The following HDAC9 variants were observed in gnomAD, a reference collection of about 807,000 sequenced individuals.
HDAC9 encodes histone deacetylase 9, also known as MEF-2 interacting transcription repressor (MITR) protein.
In HDAC9, 41 loss-of-function variants were observed where a neutral mutation model predicts 139.4. The observed-to-expected ratio is 0.29, with a 90% CI of 0.23 to 0.38. The LOEUF (loss-of-function observed/expected upper bound fraction) is 0.38. Ranked by LOEUF, HDAC9 falls within the 10% of genes least tolerant of loss-of-function variation. The pLI, the probability that HDAC9 is intolerant of heterozygous loss-of-function variation, is 1.00. For synonymous variants in HDAC9, 517 were observed against 476.2 expected, an observed-to-expected ratio of 1.09 and a Z score of -1.12; for missense variants, 1,147 against 1,297.0, an observed-to-expected ratio of 0.88 and a Z score of 1.78.
intron 12 of HDAC9, among the ~76,000 whole-genome samples, chr7:18,690,243 A>G (rs1020065409): frequency 1.3e-5 from 2 of 152,056 alleles, no homozygotes; most frequent in African/African-American, 4.8e-5. Flanking sequence ...GTGAAGAGAT[A>G]TTACTGGTTA....
chr7:18,100,252 A>G (rs554602035), intron 1 of HDAC9, among the ~76,000 whole-genome samples: 3 of 152,078 alleles, frequency 2.0e-5, no homozygotes, highest in Non-Finnish European at 2.9e-5. Context: ...CTGGTTTTGA[A>G]CAATTTGATT....
At chr7:18,888,357 G>A (rs1186534299) in intron 22 of HDAC9, among the ~76,000 whole-genome samples, 2 of 152,120 alleles carry the variant, frequency 1.3e-5, no homozygotes, top group African/African-American at 4.8e-5. Flanking sequence ...CCCGGGAGGC[G>A]GAGCTTGCAG....
At chr7:18,672,984 A>G (rs892079440) in intron 12 of HDAC9, among the ~76,000 whole-genome samples, 11 of 152,174 alleles carry the variant, frequency 7.2e-5, no homozygotes, top group African/African-American at 2.6e-4. Context: ...TTCCCAAAAT[A>G]TCACTGAAAT....
At chr7:18,329,809 C>G (rs922938695) in intron 1 of HDAC9, among the ~76,000 whole-genome samples, 3 of 151,896 alleles carry the variant, frequency 2.0e-5, no homozygotes, top group South Asian at 2.1e-4. Context: ...TTTATGTAGG[C>G]TTACTAACCC....
intron 2 of HDAC9, among the ~76,000 whole-genome samples, chr7:18,188,560 A>G (rs1054787092): frequency 1.2e-4 from 19 of 152,228 alleles, no homozygotes; most frequent in South Asian, 2.1e-4. Flanking sequence ...TGAACAGGCA[A>G]CTTACAGAAT....
chr7:18,875,067 A>G (rs1319534015), intron 22 of HDAC9, among the ~76,000 whole-genome samples: 1 of 152,174 alleles, frequency 6.6e-6, no homozygotes, highest in African/African-American at 2.4e-5. Flanking sequence ...GTATGTGTCT[A>G]TGGGCAACCC....
At position 18,574,904 on chromosome 7, in the gene HDAC9, G is replaced by A. The variant is rs1046044729; in HGVS notation, c.23-10377G>A. ...CTACCAGGTCCCCGACTGTGCGCAGGGATGCCTGGGTCCATAGCTGCAGCT... is the reference window on the plus strand; with the variant it reads ...CTACCAGGTCCCCGACTGTGCGCAGAGATGCCTGGGTCCATAGCTGCAGCT... On this transcript the variant is annotated intron_variant, in intron 2 of 25. Transcript: ENST00000686413. Among the ~76,000 whole-genome samples the A allele has an allele frequency of 3.9e-5, 6 of 152,354 alleles. No individual in the cohort carries two copies. In the East Asian group the frequency reaches 1.2e-3, roughly 29 times the overall value.
At chr7:18,252,194 A>C (rs1019537769) in intron 2 of HDAC9, among the ~76,000 whole-genome samples, 7 of 152,190 alleles carry the variant, frequency 4.6e-5, no homozygotes, top group African/African-American at 1.7e-4. Context: ...TGCCATCTAC[A>C]AGAGAAATGT....
chr7:18,442,654 A>G lies in HDAC9; in HGVS notation c.-41-53608A>G, dbSNP rs149344295. On this transcript the variant is annotated intron_variant, in intron 1 of 3. Coordinates refer to the HDAC9 transcript ENST00000413509. ...CTGACCTATGTCTGTATTAAATTTT[A>G]TCTTTTTGAGTGAAAGGAGTTTATA... 1.9e-3 allele frequency among the ~76,000 whole-genome samples: 292 copies of G among 152,306 alleles called. 2 individuals carry two copies. The highest frequency in any genetic ancestry group is 5.7e-3 in the African/African-American group (238 of 41,572).
At chr7:18,579,791 C>CTGTGTGTG (rs3084516) in intron 2 of HDAC9, among the ~76,000 whole-genome samples, 3,857 of 150,310 alleles carry the variant, frequency 0.026, 157 homozygotes, top group African/African-American at 0.089. Context: ...TTTTCCATGC[C>CTGTGTGTG]TGTGTGTGTG....
chr7:18,970,470 C>T (rs1477701890), intron 24 of HDAC9, among the ~76,000 whole-genome samples: 4 of 152,082 alleles, frequency 2.6e-5, no homozygotes, highest in African/African-American at 9.7e-5. Flanking sequence ...ATTTCCAAAA[C>T]ATATAATTTT....
At chr7:18,648,430 G>C in intron 10 of HDAC9, 36 bp from the exon 11 acceptor site, 2 of 1,398,124 alleles carry the variant, frequency 1.4e-6, no homozygotes, top group Non-Finnish European at 2.0e-6. Context: ...GTGTGTGTGT[G>C]TGTATACACA....
intron 21 of HDAC9, among the ~76,000 whole-genome samples, chr7:18,844,777 G>C (rs1395264732): frequency 1.3e-5 from 2 of 152,128 alleles, no homozygotes; most frequent in Non-Finnish European, 2.9e-5. Context: ...AGAGATCTGG[G>C]TTTCTTATCC....
intron 12 of HDAC9, among the ~76,000 whole-genome samples, chr7:18,720,683 T>G (rs1297209530): frequency 1.2e-4 from 18 of 151,242 alleles, no homozygotes; most frequent in African/African-American, 4.1e-4. Context: ...TTTTTTTTTT[T>G]CTTTTCTTCT....
chr7:18,662,029 G>A (rs149331599), intron 11 of HDAC9, among the ~76,000 whole-genome samples: 53 of 152,162 alleles, frequency 3.5e-4, no homozygotes, highest in Admixed American at 2.6e-3. Context: ...CATATAATAC[G>A]TTCCATGGAA....
At chr7:18,175,929 G>C (rs1788866375) in intron 2 of HDAC9, among the ~76,000 whole-genome samples, 2 of 152,032 alleles carry the variant, frequency 1.3e-5, no homozygotes, top group South Asian at 4.1e-4. Flanking sequence ...CAGTAATGTA[G>C]TTCCACTGGA....
intron 1 of HDAC9, among the ~76,000 whole-genome samples, chr7:18,159,832 C>G (rs1787500755): frequency 6.6e-6 from 1 of 152,080 alleles, no homozygotes; most frequent in African/African-American, 2.4e-5. Flanking sequence ...AAATGTTAGA[C>G]CAATGTGTCA....
intron 1 of HDAC9, among the ~76,000 whole-genome samples, chr7:18,425,328 C>G (rs890111214): frequency 6.6e-6 from 1 of 152,178 alleles, no homozygotes; most frequent in African/African-American, 2.4e-5. Context: ...CACAATGACA[C>G]TGTTTTCATA....
chr7:18,908,916 A>G (rs1033775471), intron 22 of HDAC9, among the ~76,000 whole-genome samples: 1 of 152,118 alleles, frequency 6.6e-6, no homozygotes, highest in Non-Finnish European at 1.5e-5. Context: ...CTTTGGATAT[A>G]CACACAGTTG....
Sources: gnomAD v4.1 joint callset for allele counts (sites outside exome capture counted in the v4.1 genomes callset) on GRCh38, gnomAD v4.1.1 for gene constraint, MANE v1.5 for transcripts, NCBI Gene and HGNC (gene_info 2026-07-23, HGNC 2026-07-21) for gene names.